PTPA: variants seen among roughly 807,000 people sequenced by gnomAD.
The protein encoded by PTPA is protein phosphatase 2 phosphatase activator.
In PTPA, 13 loss-of-function variants were observed where a neutral mutation model predicts 43.6. The observed-to-expected ratio is 0.30, with a 90% CI of 0.19 to 0.47. PTPA has a LOEUF of 0.47. PTPA is among the 20% of genes least tolerant of loss of function. PTPA has a pLI of 0.99. For missense variants in PTPA, 329 were observed against 411.9 expected, an observed-to-expected ratio of 0.80 and a Z score of 1.74; for synonymous variants, 172 against 158.2, an observed-to-expected ratio of 1.09 and a Z score of -0.66.
chr9:129,120,683 A>C, intron 2 of PTPA, 73 bp downstream of exon 2: 1 of 1,301,136 alleles, frequency 7.7e-7, no homozygotes, highest in African/African-American at 1.5e-5. Flanking sequence ...ACGGGCGGTG[A>C]GTTCCTGGCC....
At chr9:129,137,814 G>A in intron 8 of PTPA, 122 bp downstream of exon 8, 3 of 928,948 alleles carry the variant, frequency 3.2e-6, no homozygotes, top group Non-Finnish European at 5.2e-6. Flanking sequence ...GGGCCGGCCG[G>A]AGCGGGTTAT....
chr9:129,142,735 T>C (rs772769249), intron 9 of PTPA, 183 bp downstream of exon 9: 17 of 1,537,498 alleles, frequency 1.1e-5, no homozygotes, highest in Non-Finnish European at 1.4e-5. Context: ...GCATGGGCAG[T>C]CAGAGAAGCA....
chr9:129,144,712 C>T (rs576734559), intron 9 of PTPA, among the ~76,000 whole-genome samples: 2 of 142,644 alleles, frequency 1.4e-5, no homozygotes, highest in Admixed American at 1.5e-4. Context: ...GCACTCCAGC[C>T]TGGGCGACAG....
intron 3 of PTPA, among the ~76,000 whole-genome samples, chr9:129,127,608 T>C (rs1849663729): frequency 6.6e-6 from 1 of 152,224 alleles, no homozygotes; most frequent in Non-Finnish European, 1.5e-5. Flanking sequence ...AACTGATCTT[T>C]GGGTTGGATA....
chr9:129,131,780 G>T, intron 5 of PTPA, 141 bp downstream of exon 5: 1 of 818,130 alleles, frequency 1.2e-6, no homozygotes, highest in South Asian at 1.6e-5. Flanking sequence ...GGCCAGCTGG[G>T]GTTAGGGTGG....
rs546445514 is a variant in PTPA, at chr9:129,125,115, A to G, written c.216+1977A>G. On this transcript the variant is annotated intron_variant, in intron 3 of 9. Transcript: ENST00000393370. ...TTCCTCCTGGAGCCTGTGGTGAGGG[A>G]TGCTCAGCTGTGCTCAGTGGGCCAG... 9.5e-4 allele frequency among the ~76,000 whole-genome samples: 145 copies of G among 152,202 alleles called. 1 individual carries two copies. Among genetic ancestry groups the G allele is most frequent in the African/African-American group, 3.3e-3 (136 of 41,544 alleles).
chr9:129,136,324 G>A, intron 6 of PTPA, 147 bp from the exon 7 acceptor site: 1 of 960,096 alleles, frequency 1.0e-6, no homozygotes, highest in Non-Finnish European at 1.5e-6. Context: ...GTGTTTGTTG[G>A]GGGAAATAAA....
At chr9:129,140,168 T>C (rs1481937049) in intron 8 of PTPA, 2 of 152,294 alleles carry the variant, frequency 1.3e-5, no homozygotes, top group Admixed American at 6.6e-5. Flanking sequence ...AATTTCCTGC[T>C]CAATATGGCT....
In PTPA at chr9:129,131,544, C is replaced by G; in HGVS notation, c.365C>G (p.Thr122Arg). Residue 122 changes from threonine to arginine, a missense_variant, in exon 5 of 10, where the codon ACA becomes AGA. Physicochemically the swap from Thr to Arg is moderately conservative, Grantham distance 71. Coordinates refer to ENST00000393370, the MANE Select transcript of PTPA (RefSeq NM_178000.3). ...CAGGAAGCAGAAAACTTGGTGGCCA[C>G]AGTGGTCCCTACCCATCTGGCAGCT... ...LDEEAENLVA[T>R]VVPTHLAAAV... 6.2e-7 allele frequency: 1 copy of G among 1,613,872 alleles called. No individual in the cohort carries two copies. Among genetic ancestry groups the G allele is most frequent in the African/African-American group, 1.3e-5 (1 of 75,044 alleles).
chr9:129,147,615 G>T lies in PTPA; in HGVS notation c.*151G>T. ...GGGGTGGCGAGATGGGCTTGAGGGG[G>T]CTCAGAGCATAAGGCTTCAGGGCCC... On this transcript the variant is annotated 3_prime_UTR_variant, in exon 10 of 10. Transcript: ENST00000393370. 1 of 826,992 alleles carries T rather than the reference G, an allele frequency of 1.2e-6. No homozygotes were observed. The highest frequency in any genetic ancestry group is 1.9e-6 in the Non-Finnish European group (1 of 532,108). 51.2% of individuals were successfully genotyped at this position (826,992 alleles called of 1,614,324 possible).
At chr9:129,118,282 GATC>G (rs1244806916) in intron 1 of PTPA, among the ~76,000 whole-genome samples, 1 of 151,774 alleles carries the variant, frequency 6.6e-6, no homozygotes, top group Non-Finnish European at 1.5e-5. Flanking sequence ...TCGAACTCCT[GATC>G]TCGTGATCTG....
chr9:129,142,179 T>G (rs1588534750), intron 8 of PTPA: 2 of 372,266 alleles, frequency 5.4e-6, no homozygotes, highest in Non-Finnish European at 9.6e-6. Flanking sequence ...TGACTGCGGG[T>G]AGGTGGGCAA....
rs776425459 is a variant in PTPA, at chr9:129,137,582, C to T, written c.686-10C>T. ...TGGTTCTGAATGCTGGGGCCCATTC[C>T]TTTTCCCAGACCACCCATACCTGGA... On this transcript the variant is annotated splice_polypyrimidine_tract_variant and intron_variant, in intron 7 of 9. Coordinates refer to ENST00000393370, the MANE Select transcript of PTPA (RefSeq NM_178000.3). 14 of 1,604,056 alleles carry T rather than the reference C, an allele frequency of 8.7e-6. No homozygotes were observed. Among genetic ancestry groups the T allele is most frequent in the African/African-American group, 2.7e-5 (2 of 74,814 alleles).
chr9:129,111,586 C>T lies in PTPA; in HGVS notation c.-15C>T, dbSNP rs368782227. ...GGGACTGCAAGCATCCGGGTCGGCT[C>T]CTGGCCGGAGCAAGATGGCTGAGGG... On this transcript the variant is annotated 5_prime_UTR_variant, in exon 1 of 10. Transcript: ENST00000393370. 19 of 1,289,248 alleles carry T rather than the reference C, an allele frequency of 1.5e-5. No individual in the cohort carries two copies. Among genetic ancestry groups the T allele is most frequent in the Non-Finnish European group, 1.9e-5 (19 of 1,010,282 alleles). The allele number at this position is 1,289,248 out of a possible 1,614,324, so 79.9% of individuals were successfully genotyped here.
At chr9:129,132,931 A>G (rs1314269814) in intron 5 of PTPA, among the ~76,000 whole-genome samples, 1 of 152,194 alleles carries the variant, frequency 6.6e-6, no homozygotes, top group Non-Finnish European at 1.5e-5. Flanking sequence ...CACCATGCTG[A>G]GACCCCATCT....
Position 129,131,556 on chromosome 9 carries a change from C to A in PTPA, c.377C>A (p.Thr126Asn). The change falls in exon 5 of 10, where the codon ACC becomes AAC. Residue 126 changes from threonine to asparagine, a missense_variant. Coordinates refer to ENST00000393370, the MANE Select transcript of PTPA (RefSeq NM_178000.3). ...AENLVATVVPTHLAAAVPEVA... is the reference protein window; with the variant it reads ...AENLVATVVPNHLAAAVPEVA... ...AACTTGGTGGCCACAGTGGTCCCTA[C>A]CCATCTGGCAGCTGCTGTGCCTGAG... 6.2e-7 allele frequency: 1 copy of A among 1,614,020 alleles called. No homozygotes were observed. The highest frequency in any genetic ancestry group is 8.5e-7 in the Non-Finnish European group (1 of 1,180,040).
intron 9 of PTPA, among the ~76,000 whole-genome samples, chr9:129,144,600 G>C (rs1002491140): frequency 6.6e-6 from 1 of 151,994 alleles, no homozygotes; most frequent in African/African-American, 2.4e-5. Context: ...TTAGCCGGGC[G>C]TGGTGGCGGG....
intron 8 of PTPA, chr9:129,140,273 C>T (rs892612023): frequency 6.6e-6 from 1 of 152,616 alleles, no homozygotes; most frequent in Non-Finnish European, 1.5e-5. Flanking sequence ...CTAGAATGAG[C>T]TAATTTTTTC....
In PTPA at chr9:129,142,436, CT is replaced by C; in HGVS notation, c.787-4del. 3 of 1,559,538 alleles carry C rather than the reference CT, an allele frequency of 1.9e-6. No homozygotes were observed. The highest frequency in any genetic ancestry group is 2.6e-6 in the Non-Finnish European group (3 of 1,149,448). On this transcript the variant is annotated splice_region_variant and splice_polypyrimidine_tract_variant and intron_variant, in intron 8 of 9. Coordinates refer to ENST00000393370, the MANE Select transcript of PTPA (RefSeq NM_178000.3). ...CCTGTCTCTTCAGCTTGTGGCTTCT[CT>C]TTTTCAGATGAAGACTGGCCCATTT...
Sources: gnomAD v4.1 joint callset for allele counts (sites outside exome capture counted in the v4.1 genomes callset) on GRCh38, gnomAD v4.1.1 for gene constraint, MANE v1.5 for transcripts, NCBI Gene and HGNC (gene_info 2026-07-23, HGNC 2026-07-21) for gene names.